Variants in PTPRM observed in about 807,000 individuals in gnomAD.
The protein encoded by PTPRM is receptor-type tyrosine-protein phosphatase mu.
Under a neutral mutation model 186.7 loss-of-function variants are expected in PTPRM, and 47 were observed. The observed-to-expected ratio is 0.25, with a 90% CI of 0.20 to 0.32. The LOEUF is 0.32. Among genes scored for constraint, PTPRM ranks in the 10% least tolerant of loss-of-function variants. PTPRM has a pLI of 1.00. For synonymous variants in PTPRM, 668 were observed against 674.9 expected (o/e 0.99, Z 0.16); for missense variants, 1,494 against 1,865.0 (o/e 0.80, Z 3.66).
chr18:8,381,510 G>C (rs950622978), intron 29 of PTPRM, among the ~76,000 whole-genome samples: 6 of 152,120 alleles, frequency 3.9e-5, no homozygotes, highest in South Asian at 2.1e-4. Flanking sequence ...TTTTAATTAT[G>C]TCTGAGGCAC....
At chr18:7,765,670 A>C (rs2041983509) in intron 1 of PTPRM, among the ~76,000 whole-genome samples, 1 of 152,184 alleles carries the variant, frequency 6.6e-6, no homozygotes, top group African/African-American at 2.4e-5. Flanking sequence ...GGATCCTCTG[A>C]GATTTCATGT....
chr18:8,151,331 G>A (rs2093000977), intron 14 of PTPRM, among the ~76,000 whole-genome samples: 1 of 152,050 alleles, frequency 6.6e-6, no homozygotes, highest in African/African-American at 2.4e-5. Context: ...GCCCTGCTCA[G>A]GAAGGAGAAA....
At chr18:7,696,055 A>G (rs773216067) in intron 1 of PTPRM, among the ~76,000 whole-genome samples, 2 of 152,214 alleles carry the variant, frequency 1.3e-5, no homozygotes, top group African/African-American at 2.4e-5. Context: ...GCATTTTAGC[A>G]TGAACGTTTA....
chr18:7,649,341 T>C (rs112233891), intron 1 of PTPRM, among the ~76,000 whole-genome samples: 99 of 152,346 alleles, frequency 6.5e-4, no homozygotes, highest in African/African-American at 2.3e-3. Flanking sequence ...CATTTTGTAG[T>C]CTACGGATCA....
At chr18:8,325,586 T>A (rs2095370813) in intron 22 of PTPRM, among the ~76,000 whole-genome samples, 2 of 152,244 alleles carry the variant, frequency 1.3e-5, no homozygotes, top group Non-Finnish European at 2.9e-5. Context: ...TTTTGGTTGA[T>A]TCCATGTCTT....
chr18:8,143,548 T>C, intron 13 of PTPRM, 99 bp from the exon 14 acceptor site: 1 of 1,281,448 alleles, frequency 7.8e-7, no homozygotes, highest in East Asian at 2.4e-5. Context: ...CTCTGATAAG[T>C]CTTATTACTC....
intron 19 of PTPRM, among the ~76,000 whole-genome samples, chr18:8,281,316 C>T (rs2094901277): frequency 6.6e-6 from 1 of 152,226 alleles, no homozygotes; most frequent in South Asian, 2.1e-4. Context: ...CCACTGGGAT[C>T]TCCTTCACTG....
intron 5 of PTPRM, among the ~76,000 whole-genome samples, chr18:7,931,781 G>A (rs964961669): frequency 5.3e-5 from 8 of 152,216 alleles, no homozygotes; most frequent in African/African-American, 1.7e-4. Flanking sequence ...ATGTATGGTT[G>A]TATTAAAACC....
chr18:7,864,975 C>T (rs1357112557), intron 2 of PTPRM, among the ~76,000 whole-genome samples: 1 of 152,140 alleles, frequency 6.6e-6, no homozygotes, highest in African/African-American at 2.4e-5. Flanking sequence ...AATGGGAGTT[C>T]ACTCATGATT....
intron 1 of PTPRM, among the ~76,000 whole-genome samples, chr18:7,637,167 CAA>C (rs11296631): frequency 3.7e-4 from 27 of 72,106 alleles, no homozygotes; most frequent in Admixed American, 7.9e-4. Flanking sequence ...GACCCTGACT[CAA>C]AAAAAAAAAA....
rs139177953 is a variant in PTPRM at position 8,342,214 on chromosome 18, G to T, written c.2957-1209G>T. ...CCCTTGGGTGTGTCACTATTATTCAGTGTCCAGGCTGCTGCAAAAGGACAG... is the reference window on the plus strand; with the variant it reads ...CCCTTGGGTGTGTCACTATTATTCATTGTCCAGGCTGCTGCAAAAGGACAG... On this transcript the variant is annotated intron_variant, in intron 22 of 32. Transcript: ENST00000580170. 2.7e-4 allele frequency among the ~76,000 whole-genome samples: 41 copies of T among 152,322 alleles called. No homozygotes were observed. The East Asian group carries it at 7.7e-3, about 29-fold the overall frequency.
intron 9 of PTPRM, among the ~76,000 whole-genome samples, 160 bp from the exon 10 acceptor site, chr18:8,085,511 A>T (rs561963882): frequency 6.6e-6 from 1 of 152,292 alleles, no homozygotes; most frequent in East Asian, 1.9e-4. Flanking sequence ...GCTTTGGCGG[A>T]GTTCCTTCAT....
At chr18:7,676,315 GA>G (rs1171541427) in intron 1 of PTPRM, among the ~76,000 whole-genome samples, 1 of 151,852 alleles carries the variant, frequency 6.6e-6, no homozygotes. Context: ...TGGCATTAAG[GA>G]AAAAAAAGTT....
rs891595214 is a variant in PTPRM, at chr18:8,406,344, G to C, written c.*182G>C. On this transcript the variant is annotated 3_prime_UTR_variant, in exon 33 of 33. Coordinates refer to ENST00000580170, the MANE Select transcript of PTPRM (RefSeq NM_001105244.2). ...TGCACTGCCCAATCCCAGTAATGCT[G>C]CTGCCTGACAGAAACACACACACAG... 2 of 594,100 alleles carry C rather than the reference G, an allele frequency of 3.4e-6. No homozygotes were observed. The highest frequency in any genetic ancestry group is 5.9e-6 in the Non-Finnish European group (2 of 339,162). The allele number at this position is 594,100 out of a possible 1,614,324, so 36.8% of individuals were successfully genotyped here.
At chr18:8,079,174 C>T (rs2089992981) in intron 9 of PTPRM, among the ~76,000 whole-genome samples, 1 of 152,154 alleles carries the variant, frequency 6.6e-6, no homozygotes, top group African/African-American at 2.4e-5. Flanking sequence ...TCCTTGCTTT[C>T]TCCTTTTCAC....
intron 32 of PTPRM, among the ~76,000 whole-genome samples, chr18:8,399,163 C>T (rs2095859401): frequency 6.6e-6 from 1 of 152,168 alleles, no homozygotes; most frequent in Admixed American, 6.5e-5. Context: ...CAGAAAAAAG[C>T]TTGAGAAGGC....
chr18:8,254,890 G>A (rs963565765), intron 19 of PTPRM, among the ~76,000 whole-genome samples: 3 of 152,370 alleles, frequency 2.0e-5, no homozygotes, highest in South Asian at 4.1e-4. Context: ...GCATCCTGGT[G>A]TATTGCCAAT....
At chr18:8,300,353 T>C (rs570635697) in intron 20 of PTPRM, among the ~76,000 whole-genome samples, 1 of 152,240 alleles carries the variant, frequency 6.6e-6, no homozygotes, top group East Asian at 1.9e-4. Context: ...GCCTTCTCAA[T>C]GTCAGAATTT....
At chr18:8,011,504 G>A (rs964571836) in intron 7 of PTPRM, among the ~76,000 whole-genome samples, 5 of 152,102 alleles carry the variant, frequency 3.3e-5, no homozygotes, top group African/African-American at 1.2e-4. Context: ...TTAAATATTT[G>A]ATCATTTTTA....
Sources: gnomAD v4.1 joint callset for allele counts (sites outside exome capture counted in the v4.1 genomes callset) on GRCh38, gnomAD v4.1.1 for gene constraint, MANE v1.5 for transcripts, NCBI Gene and HGNC (gene_info 2026-07-23, HGNC 2026-07-21) for gene names.